The following MBD5 variants were observed in gnomAD, a reference collection of about 807,000 sequenced individuals.
The protein encoded by MBD5 is methyl-CpG-binding domain protein 5.
A neutral mutation model predicts 117.3 loss-of-function variants in MBD5; 13 were observed. The observed-to-expected ratio is 0.11, with a 90% CI of 0.07 to 0.18. The LOEUF (loss-of-function observed/expected upper bound fraction) is 0.18. Ranked by LOEUF, MBD5 falls within the 10% of genes least tolerant of loss-of-function variation. The pLI, the probability that MBD5 is intolerant of heterozygous loss-of-function variation, is 1.00. For missense variants in MBD5, 1,879 were observed against 2,093.8 expected, an observed-to-expected ratio of 0.90 and a Z score of 2.00; for synonymous variants, 727 against 766.4, an observed-to-expected ratio of 0.95 and a Z score of 0.85.
intron 4 of MBD5, among the ~76,000 whole-genome samples, chr2:148,429,354 C>G (rs1705910783): frequency 6.6e-6 from 1 of 152,138 alleles, no homozygotes; most frequent in East Asian, 1.9e-4. Flanking sequence ...ACAACAGATG[C>G]TGGGGAGGAT....
chr2:148,061,426 T>C lies in MBD5; in HGVS notation c.-925+39742T>C, dbSNP rs1695031492. 2.0e-5 allele frequency among the ~76,000 whole-genome samples: 3 copies of C among 152,008 alleles called. No individual in the cohort carries two copies. In the South Asian group the frequency reaches 6.2e-4, roughly 32 times the overall value. Reference sequence around the variant, plus strand: ...TTTCCTCTACCCTTCCCCCAACTCTTTCCCTCTACATAATTGACATCATAT... The same window carrying C: ...TTTCCTCTACCCTTCCCCCAACTCTCTCCCTCTACATAATTGACATCATAT... On this transcript the variant is annotated intron_variant, in intron 1 of 13. Transcript: ENST00000642680.
chr2:148,075,603 T>C (rs546402282), intron 1 of MBD5, among the ~76,000 whole-genome samples: 1 of 152,172 alleles, frequency 6.6e-6, no homozygotes, highest in Non-Finnish European at 1.5e-5. Flanking sequence ...TTTCAGATTT[T>C]TCTGATTGTA....
At chr2:148,326,384 G>C (rs974462102) in intron 3 of MBD5, among the ~76,000 whole-genome samples, 20 of 151,984 alleles carry the variant, frequency 1.3e-4, no homozygotes, top group Non-Finnish European at 2.5e-4. Flanking sequence ...CAATTCCTGG[G>C]TATCCTTGTT....
intron 4 of MBD5, among the ~76,000 whole-genome samples, chr2:148,430,668 A>T (rs1705956800): frequency 6.6e-6 from 1 of 152,038 alleles, no homozygotes; most frequent in African/African-American, 2.4e-5. Flanking sequence ...ATTTTCAGAG[A>T]TTTTATATCT....
chr2:148,037,357 A>G (rs956545860), intron 1 of MBD5, among the ~76,000 whole-genome samples: 3 of 152,004 alleles, frequency 2.0e-5, no homozygotes, highest in African/African-American at 4.8e-5. Context: ...TTCATTCTGC[A>G]TAGAATCAGG....
chr2:148,032,752 T>G (rs1573932261), intron 1 of MBD5, among the ~76,000 whole-genome samples: 1 of 152,200 alleles, frequency 6.6e-6, no homozygotes, highest in East Asian at 1.9e-4. Flanking sequence ...AGAAGTTCAT[T>G]TTTATTTCAG....
intron 3 of MBD5, among the ~76,000 whole-genome samples, chr2:148,261,749 C>G (rs912061950): frequency 8.5e-5 from 13 of 152,224 alleles, no homozygotes; most frequent in Non-Finnish European, 1.5e-4. Flanking sequence ...GCTACCTGTT[C>G]AGCAGAAGAA....
At chr2:148,354,853 C>T (rs745966399) in intron 4 of MBD5, among the ~76,000 whole-genome samples, 95 of 152,274 alleles carry the variant, frequency 6.2e-4, no homozygotes, top group Non-Finnish European at 1.1e-3. Context: ...ATTTGCATTT[C>T]TCTGTAAGCT....
chr2:148,358,837 T>C (rs1170393847), intron 4 of MBD5, among the ~76,000 whole-genome samples: 1 of 152,060 alleles, frequency 6.6e-6, no homozygotes. Context: ...AGGGCAAAAT[T>C]GAAGTGACTC....
At chr2:148,151,320 G>A (rs1697656555) in intron 1 of MBD5, among the ~76,000 whole-genome samples, 1 of 151,630 alleles carries the variant, frequency 6.6e-6, no homozygotes, top group African/African-American at 2.4e-5. Context: ...TAAGCTTTTT[G>A]ATGTGCTGCT....
intron 4 of MBD5, among the ~76,000 whole-genome samples, chr2:148,345,180 ATG>A (rs1271920032): frequency 2.7e-5 from 4 of 150,570 alleles, no homozygotes; most frequent in Admixed American, 6.7e-5. Context: ...GGATATATAT[ATG>A]TGTGTGTGTG....
At chr2:148,324,954 T>C (rs183466125) in intron 3 of MBD5, among the ~76,000 whole-genome samples, 178 of 152,336 alleles carry the variant, frequency 1.2e-3, no homozygotes, top group African/African-American at 4.1e-3. Flanking sequence ...CCATTCAGTA[T>C]GATATTGGCT....
chr2:148,426,826 C>G (rs1472758422), intron 4 of MBD5, among the ~76,000 whole-genome samples: 5 of 152,164 alleles, frequency 3.3e-5, no homozygotes, highest in African/African-American at 4.8e-5. Flanking sequence ...TAAAGAACTT[C>G]TACCCAGCAA....
intron 1 of MBD5, among the ~76,000 whole-genome samples, chr2:148,030,959 A>G (rs1172651875): frequency 6.6e-6 from 1 of 152,158 alleles, no homozygotes; most frequent in Non-Finnish European, 1.5e-5. Flanking sequence ...GTTTTTAAAT[A>G]TTTTGCTTCT....
At chr2:148,181,712 G>GT (rs1425981367) in intron 2 of MBD5, among the ~76,000 whole-genome samples, 1 of 151,686 alleles carries the variant, frequency 6.6e-6, no homozygotes, top group Non-Finnish European at 1.5e-5. Context: ...GGAATTTGTT[G>GT]TATGTGCTCG....
intron 4 of MBD5, among the ~76,000 whole-genome samples, chr2:148,402,732 T>C (rs1235110570): frequency 1.3e-5 from 2 of 152,232 alleles, no homozygotes; most frequent in African/African-American, 4.8e-5. Flanking sequence ...TGTTCCACTA[T>C]ATGGATATAC....
chr2:148,432,841 G>T (rs1396485744), intron 4 of MBD5, among the ~76,000 whole-genome samples: 1 of 152,058 alleles, frequency 6.6e-6, no homozygotes. Flanking sequence ...GAGTGCTTTG[G>T]CTATTTGGGT....
chr2:148,483,649 AATAC>A lies in MBD5; in HGVS notation c.3059_3062del (p.Asn1020ThrfsTer6). ...CATCTCAGATCTTTTGCAACAGCAA[AATAC>A]CCCTTTACCCTCATTAACACAGATG... On this transcript the variant is annotated frameshift_variant, in exon 9 of 14. Coordinates refer to ENST00000642680, the MANE Select transcript of MBD5 (RefSeq NM_001378120.1). LOFTEE classifies it high-confidence loss of function. 6 of 1,550,916 alleles carry A rather than the reference AATAC, an allele frequency of 3.9e-6. No individual in the cohort carries two copies. The highest frequency in any genetic ancestry group is 5.2e-6 in the Non-Finnish European group (6 of 1,147,076).
At chr2:148,063,010 T>A (rs1354949685) in intron 1 of MBD5, among the ~76,000 whole-genome samples, 2 of 152,174 alleles carry the variant, frequency 1.3e-5, no homozygotes, top group Non-Finnish European at 2.9e-5. Flanking sequence ...TTCCTTGAGA[T>A]CTATGACCCA....
Sources: gnomAD v4.1 joint callset for allele counts (sites outside exome capture counted in the v4.1 genomes callset) on GRCh38, gnomAD v4.1.1 for gene constraint, MANE v1.5 for transcripts, NCBI Gene and HGNC (gene_info 2026-07-23, HGNC 2026-07-21) for gene names.